Variants in BSN observed in about 807,000 individuals in gnomAD.
BSN encodes the protein bassoon presynaptic cytomatrix protein.
BSN carries 57 observed loss-of-function variants against 264.8 expected under a neutral mutation model. The observed-to-expected ratio is 0.22, with a 90% CI of 0.17 to 0.27. The LOEUF (loss-of-function observed/expected upper bound fraction) is 0.27, where lower values mean the gene tolerates loss of function less well. Among genes scored for constraint, BSN ranks in the 10% least tolerant of loss-of-function variants. The probability of loss-of-function intolerance (pLI) is 1.00; values close to 1 mark genes in which losing one functional copy is unlikely to be tolerated. For synonymous variants in BSN, 2,059 were observed against 2,137.3 expected (o/e 0.96, Z 1.01); for missense variants, 4,615 against 5,232.5 (o/e 0.88, Z 3.64).
rs752108805 is a variant in BSN, at chr3:49,613,303, CGAGAGAGAGAGA to C, written c.225-11637_225-11626del. On this transcript the variant is annotated intron_variant, in intron 1 of 11. Transcript: ENST00000296452. ...TATATATATATATACACACACAGAGCGAGAGAGAGAGAGAGAGAGAGAGAGAGAGAGAGAGAG... is the reference window on the plus strand; with the variant it reads ...TATATATATATATACACACACAGAGCGAGAGAGAGAGAGAGAGAGAGAGAG... Among the ~76,000 whole-genome samples the C allele has an allele frequency of 6.9e-3, 327 of 47,342 alleles. 4 individuals carry two copies. The highest frequency in any genetic ancestry group is 0.021 in the African/African-American group (304 of 14,246). 31.1% of individuals were successfully genotyped at this position (47,342 alleles called of 152,430 possible). A position where few individuals can be genotyped will look rare whatever the true frequency, so the allele number is the denominator to read the frequency against.
At position 49,637,262 on chromosome 3, in the gene BSN, G is replaced by T. The variant is rs558744970; in HGVS notation, c.634-5006G>T. Among the ~76,000 whole-genome samples the T allele has an allele frequency of 2.6e-5, 4 of 152,242 alleles. No homozygotes were observed. The South Asian group carries it at 8.3e-4, about 32-fold the overall frequency. Reference sequence around the variant, plus strand: ...TGCTGCTGGGGGGGTGAGAGGAGGCGAGTGGGAAGAGAACATGTGACTTCG... The same window carrying T: ...TGCTGCTGGGGGGGTGAGAGGAGGCTAGTGGGAAGAGAACATGTGACTTCG... On this transcript the variant is annotated intron_variant, in intron 2 of 11. Coordinates refer to ENST00000296452, the MANE Select transcript of BSN (RefSeq NM_003458.4).
In BSN at chr3:49,565,313, A is replaced by AT. The variant is rs35209998; in HGVS notation, c.224+10509dup. On this transcript the variant is annotated intron_variant, in intron 1 of 11. Coordinates refer to ENST00000296452, the MANE Select transcript of BSN (RefSeq NM_003458.4). ...GGCACCCACCCACCACGCCCAGCTA[A>AT]TTTTTTTTTTTTTTTTTTTTTTGAG... Among the ~76,000 whole-genome samples, 364 of 55,018 alleles carry AT rather than the reference A, an allele frequency of 6.6e-3. 8 individuals are homozygous for AT. The highest frequency in any genetic ancestry group is 0.022 in the African/African-American group (296 of 13,352). 36.1% of individuals were successfully genotyped at this position (55,018 alleles called of 152,430 possible).
chr3:49,673,058 C>T (rs1274993790), downstream of BSN, among the ~76,000 whole-genome samples: 1 of 134,702 alleles, frequency 7.4e-6, no homozygotes, highest in Non-Finnish European at 1.5e-5. Context: ...GGATTACAGG[C>T]GTGAGCCACC....
chr3:49,645,166 G>C (rs2052495684), intron 3 of BSN, among the ~76,000 whole-genome samples: 1 of 152,136 alleles, frequency 6.6e-6, no homozygotes, highest in Non-Finnish European at 1.5e-5. Flanking sequence ...AAGAAAGCTG[G>C]GGGATGTCCT....
chr3:49,623,834 A>T (rs1279523535), intron 1 of BSN, among the ~76,000 whole-genome samples: 2 of 152,188 alleles, frequency 1.3e-5, no homozygotes, highest in Non-Finnish European at 2.9e-5. Flanking sequence ...GGCAGGATAT[A>T]GCAGATTGGC....
At chr3:49,595,803 A>C (rs1315000486) in intron 1 of BSN, among the ~76,000 whole-genome samples, 4 of 152,048 alleles carry the variant, frequency 2.6e-5, no homozygotes, top group Non-Finnish European at 5.9e-5. Flanking sequence ...GTATCCTGCA[A>C]CCTTGCTGAA....
intron 1 of BSN, among the ~76,000 whole-genome samples, chr3:49,571,114 T>C (rs1444853695): frequency 6.6e-6 from 1 of 152,206 alleles, no homozygotes; most frequent in Non-Finnish European, 1.5e-5. Context: ...TTTGAAAAGA[T>C]AGTAACAGTA....
chr3:49,613,341 A>AGAGAGAGAGAGAGAGAGAGG, intron 1 of BSN, among the ~76,000 whole-genome samples: 1 of 150,414 alleles, frequency 6.6e-6, no homozygotes. Flanking sequence ...AGAGAGAGAG[A>AGAGAGAGAGAGAGAGAGAGG]GAGAGAGAAG....
At chr3:49,633,767 G>T (rs2052399734) in intron 2 of BSN, among the ~76,000 whole-genome samples, 1 of 152,148 alleles carries the variant, frequency 6.6e-6, no homozygotes, top group Non-Finnish European at 1.5e-5. Flanking sequence ...AAAGAGGAAG[G>T]ACAATCTGAC....
At chr3:49,577,098 G>A (rs1425753960) in intron 1 of BSN, among the ~76,000 whole-genome samples, 1 of 152,112 alleles carries the variant, frequency 6.6e-6, no homozygotes, top group African/African-American at 2.4e-5. Flanking sequence ...CAACAAATAT[G>A]TATTGAGCAC....
chr3:49,572,776 G>T (rs1032959448), intron 1 of BSN, among the ~76,000 whole-genome samples: 1 of 152,166 alleles, frequency 6.6e-6, no homozygotes, highest in East Asian at 1.9e-4. Context: ...CTTGTGATCC[G>T]CCCGCCTAAG....
Position 49,652,255 on chromosome 3 carries a change from A to G in BSN, c.2699A>G (p.Asn900Ser), listed in dbSNP as rs1383923306. ...AALPKRRLPH[N>S]ATTGYEELLP... ...CTGCCCAAGAGGCGCCTGCCCCACA[A>G]TGCCACCACGGGCTATGAGGAGCTG... The change falls in exon 5 of 12, where the codon AAT becomes AGT. Residue 900 changes from asparagine to serine, a missense_variant. Asn to Ser is a conservative substitution (Grantham distance 46). This residue lies in a region of BSN where 1,197 missense variants were observed against 1,348.0 expected (regional missense o/e 0.89). Transcript: ENST00000296452. 8 of 1,604,258 alleles carry G rather than the reference A, an allele frequency of 5.0e-6. No individual in the cohort carries two copies. Among genetic ancestry groups the G allele is most frequent in the Non-Finnish European group, 6.0e-6 (7 of 1,174,392 alleles).
intron 1 of BSN, among the ~76,000 whole-genome samples, chr3:49,603,703 CA>C (rs1163393783): frequency 7.9e-5 from 12 of 152,202 alleles, no homozygotes; most frequent in Non-Finnish European, 1.6e-4. Flanking sequence ...GAATTCACAT[CA>C]TATAAAATTA....
chr3:49,587,887 T>TTTTTCTTTTC (rs58072178), intron 1 of BSN, among the ~76,000 whole-genome samples: 25,436 of 121,424 alleles, frequency 0.21, 3,332 homozygotes, highest in Non-Finnish European at 0.25. Flanking sequence ...AAAGTTGGGG[T>TTTTTCTTTTC]TTTTCTTTTC....
intron 1 of BSN, among the ~76,000 whole-genome samples, chr3:49,578,768 ACTTTC>A (rs748169373): frequency 6.6e-6 from 1 of 152,062 alleles, no homozygotes; most frequent in Non-Finnish European, 1.5e-5. Context: ...CCAAAATGTC[ACTTTC>A]CATTCTTCCC....
chr3:49,581,342 C>T (rs1180701309), intron 1 of BSN, among the ~76,000 whole-genome samples: 1 of 152,162 alleles, frequency 6.6e-6, no homozygotes, highest in South Asian at 2.1e-4. Flanking sequence ...AGTAGTCCCC[C>T]CTTATCTGCG....
intron 1 of BSN, among the ~76,000 whole-genome samples, chr3:49,580,537 TC>T (rs2051888538): frequency 6.6e-6 from 1 of 151,914 alleles, no homozygotes; most frequent in Admixed American, 6.6e-5. Context: ...GCTCAAGCAG[TC>T]CTCTCATCTC....
rs2052680442 is a variant in BSN, at chr3:49,663,269, A to G, written c.11111A>G (p.Glu3704Gly). ...KGQPGYPSSA[E>G]YSQPSRASSA... ...CAGCCTGGGTATCCCAGCTCTGCTG[A>G]GTACTCACAGCCATCCCGTGCTTCA... Residue 3704 changes from glutamate to glycine, a missense_variant, in exon 7 of 12, where the codon GAG (glutamate) becomes GGG (glycine). Glu to Gly is a moderately conservative substitution (Grantham distance 98). This residue lies in a region of BSN where 3,415 missense variants were observed against 3,866.4 expected (regional missense o/e 0.88). Coordinates refer to ENST00000296452, the MANE Select transcript of BSN (RefSeq NM_003458.4). 1.2e-6 allele frequency: 2 copies of G among 1,614,136 alleles called. No homozygotes were observed. The highest frequency in any genetic ancestry group is 1.7e-6 in the Non-Finnish European group (2 of 1,180,018).
rs1386842857 is a variant in BSN at position 49,663,101 on chromosome 3, G to A, written c.10943G>A (p.Gly3648Asp). ...GCCTCAGCCAAGGAACACCGGCACG[G>A]TGACCACGGGCGGCACTCAGGCCGC... ...RHASAKEHRH[G>D]DHGRHSGRHT... is the part of the protein sequence containing the mutation. Residue 3648 changes from glycine (G) to aspartate (D), a missense_variant, in exon 7 of 12, where the codon GGT becomes GAT. This residue lies in a region of BSN where 3,415 missense variants were observed against 3,866.4 expected (regional missense o/e 0.88). Coordinates refer to ENST00000296452, the MANE Select transcript of BSN (RefSeq NM_003458.4). 1 of 1,611,846 alleles carries A rather than the reference G, an allele frequency of 6.2e-7. No homozygotes were observed. The highest frequency in any genetic ancestry group is 1.3e-5 in the African/African-American group (1 of 74,950).
Sources: gnomAD v4.1 joint callset for allele counts (sites outside exome capture counted in the v4.1 genomes callset) on GRCh38, gnomAD v4.1.1 for gene constraint, gnomAD v4.1.1 regional missense constraint, MANE v1.5 for transcripts, NCBI Gene and HGNC (gene_info 2026-07-23, HGNC 2026-07-21) for gene names.